The following SLIT2 variants were observed in gnomAD, a reference collection of about 807,000 sequenced individuals.
SLIT2 encodes the protein slit homolog 2 protein.
SLIT2 carries 41 observed loss-of-function variants against 185.7 expected under a neutral mutation model. The observed-to-expected ratio is 0.22, with a 90% CI of 0.17 to 0.29. The LOEUF (loss-of-function observed/expected upper bound fraction) is 0.29, where lower values mean the gene tolerates loss of function less well. Ranked by LOEUF, SLIT2 falls within the 10% of genes least tolerant of loss-of-function variation. The pLI is 1.00. For synonymous variants in SLIT2, 693 were observed against 680.2 expected (o/e 1.02, Z -0.29); for missense variants, 1,571 against 1,909.0 (o/e 0.82, Z 3.30).
chr4:20,300,358 A>G (rs1181155746), intron 4 of SLIT2, among the ~76,000 whole-genome samples: 1 of 152,140 alleles, frequency 6.6e-6, no homozygotes, highest in Non-Finnish European at 1.5e-5. Context: ...TATCTTATCA[A>G]AAGACATTCT....
intron 26 of SLIT2, among the ~76,000 whole-genome samples, chr4:20,565,096 C>T (rs886738855): frequency 1.3e-5 from 2 of 151,962 alleles, no homozygotes; most frequent in African/African-American, 4.8e-5. Flanking sequence ...AATTTCTCAT[C>T]TAATTACTCA....
intron 7 of SLIT2, among the ~76,000 whole-genome samples, chr4:20,488,495 A>G (rs1717467123): frequency 6.6e-6 from 1 of 150,380 alleles, no homozygotes; most frequent in African/African-American, 2.4e-5. Flanking sequence ...CCCCACCCCC[A>G]TTGGCTCTCA....
chr4:20,543,321 C>T (rs184202557), intron 21 of SLIT2, among the ~76,000 whole-genome samples: 1 of 152,184 alleles, frequency 6.6e-6, no homozygotes, highest in Non-Finnish European at 1.5e-5. Context: ...TCTGCACTGC[C>T]CACGCTCCCT....
At chr4:20,302,112 C>G (rs1717105893) in intron 4 of SLIT2, among the ~76,000 whole-genome samples, 1 of 152,124 alleles carries the variant, frequency 6.6e-6, no homozygotes, top group Non-Finnish European at 1.5e-5. Flanking sequence ...AATTTTTTTG[C>G]TTTTCATCAT....
chr4:20,341,531 G>A (rs1031744056), intron 4 of SLIT2, among the ~76,000 whole-genome samples: 1 of 152,198 alleles, frequency 6.6e-6, no homozygotes, highest in African/African-American at 2.4e-5. Context: ...ACACGAACCA[G>A]GAGCAGCAGG....
At chr4:20,525,809 G>C (rs1721236271) in intron 15 of SLIT2, among the ~76,000 whole-genome samples, 1 of 152,078 alleles carries the variant, frequency 6.6e-6, no homozygotes, top group African/African-American at 2.4e-5. Context: ...ATTTATGTGT[G>C]ATGTGAAAGC....
chr4:20,334,433 CAA>C (rs1464258554), intron 4 of SLIT2, among the ~76,000 whole-genome samples: 1 of 152,122 alleles, frequency 6.6e-6, no homozygotes, highest in Non-Finnish European at 1.5e-5. Context: ...CCTAGTATCT[CAA>C]AACCTACTTT....
At chr4:20,358,259 T>C (rs1722486133) in intron 4 of SLIT2, among the ~76,000 whole-genome samples, 1 of 152,122 alleles carries the variant, frequency 6.6e-6, no homozygotes, top group African/African-American at 2.4e-5. Flanking sequence ...TTAGACATCA[T>C]AGAGTGATCG....
intron 4 of SLIT2, among the ~76,000 whole-genome samples, chr4:20,335,491 A>T (rs556410083): frequency 6.6e-6 from 1 of 152,316 alleles, no homozygotes; most frequent in East Asian, 1.9e-4. Context: ...TTGAGCTTAT[A>T]TTATGTAACA....
intron 4 of SLIT2, among the ~76,000 whole-genome samples, chr4:20,437,616 T>C (rs552120442): frequency 1.4e-5 from 2 of 147,796 alleles, no homozygotes; most frequent in East Asian, 2.1e-4. Flanking sequence ...CCTTATCTTA[T>C]AAAAACCCAA....
intron 5 of SLIT2, among the ~76,000 whole-genome samples, chr4:20,473,370 T>TA (rs1305958612): frequency 6.6e-6 from 1 of 152,022 alleles, no homozygotes; most frequent in African/African-American, 2.4e-5. Flanking sequence ...GACAAGGCTT[T>TA]AAGTCAGTAG....
Position 20,548,682 on chromosome 4 carries a change from A to C in SLIT2, c.2417+123A>C, listed in dbSNP as rs1225444079. 4.6e-6 allele frequency: 3 copies of C among 659,224 alleles called. No homozygotes were observed. In the African/African-American group the frequency reaches 5.4e-5, roughly 12 times the overall value. The allele number at this position is 659,224 out of a possible 1,614,324, so 40.8% of individuals were successfully genotyped here. ...CCTCAAGGAATGTTTCTATTGGGAG[A>C]AACAGACAAAACCACGATACGTGAA... is the stretch of plus-strand genomic sequence containing the variant. On this transcript the variant is annotated intron_variant, in intron 23 of 36. Coordinates refer to ENST00000504154, the MANE Select transcript of SLIT2 (RefSeq NM_004787.4).
At chr4:20,494,446 T>C (rs1331909102) in intron 9 of SLIT2, among the ~76,000 whole-genome samples, 1 of 152,110 alleles carries the variant, frequency 6.6e-6, no homozygotes, top group African/African-American at 2.4e-5. Context: ...GTGAACTCAA[T>C]TTGTGAAATA....
intron 29 of SLIT2, chr4:20,573,324 A>G (rs913028204): frequency 2.1e-5 from 15 of 702,672 alleles, no homozygotes; most frequent in East Asian, 5.4e-5. Context: ...GTAAAGTTAC[A>G]TAGATTTCAC....
chr4:20,425,831 G>A (rs190732617), intron 4 of SLIT2, among the ~76,000 whole-genome samples: 110 of 152,308 alleles, frequency 7.2e-4, no homozygotes, highest in Non-Finnish European at 1.1e-3. Context: ...AAACTCAAGT[G>A]TAGCATTATT....
chr4:20,496,339 A>G (rs184093246), intron 9 of SLIT2, among the ~76,000 whole-genome samples: 112 of 152,360 alleles, frequency 7.4e-4, no homozygotes, highest in African/African-American at 2.5e-3. Flanking sequence ...TTGGAGAAGG[A>G]ATAATAGAAA....
chr4:20,428,645 T>C (rs990353388), intron 4 of SLIT2, among the ~76,000 whole-genome samples: 2 of 152,060 alleles, frequency 1.3e-5, no homozygotes, highest in Non-Finnish European at 2.9e-5. Context: ...TAATAGAAAA[T>C]ACAGTATTTT....
chr4:20,560,232 C>T (rs1724589586), intron 26 of SLIT2, among the ~76,000 whole-genome samples: 1 of 151,730 alleles, frequency 6.6e-6, no homozygotes, highest in African/African-American at 2.4e-5. Context: ...AGCAGGAAGA[C>T]AAATATTTTT....
chr4:20,546,150 G>T, intron 22 of SLIT2, 51 bp downstream of exon 22: 2 of 941,296 alleles, frequency 2.1e-6, no homozygotes, highest in South Asian at 1.5e-5. Context: ...CCAGAAAATG[G>T]GGATGGCAAG....
Sources: allele counts gnomAD v4.1 joint callset (sites outside exome capture counted in the v4.1 genomes callset), GRCh38; gene constraint gnomAD v4.1.1; transcripts MANE v1.5; gene names NCBI Gene and HGNC (gene_info 2026-07-23, HGNC 2026-07-21).